KIAA1328: variants seen among roughly 807,000 people sequenced by gnomAD.
KIAA1328 encodes protein hinderin.
In KIAA1328, 52 loss-of-function variants were observed where a neutral mutation model predicts 68.1. The observed-to-expected ratio is 0.76, with a 90% CI of 0.61 to 0.96. KIAA1328 has a LOEUF of 0.96. KIAA1328 is among the 40% of genes least tolerant of loss of function. The pLI is 0.00. For missense variants in KIAA1328, 641 were observed against 677.6 expected, an observed-to-expected ratio of 0.95 and a Z score of 0.60; for synonymous variants, 232 against 239.4, an observed-to-expected ratio of 0.97 and a Z score of 0.28.
intron 4 of KIAA1328, among the ~76,000 whole-genome samples, chr18:36,866,363 A>G (rs2047752146): frequency 6.6e-6 from 1 of 152,052 alleles, no homozygotes. Context: ...CCACCCCAGG[A>G]AACTCTTCTG....
chr18:36,936,611 T>A (rs149021171), intron 5 of KIAA1328, among the ~76,000 whole-genome samples: 20,709 of 152,254 alleles, frequency 0.14, 1,757 homozygotes, highest in Admixed American at 0.18. Context: ...ATGATTTATA[T>A]TCCTTTGGAT....
chr18:36,837,442 T>C (rs2046715667), intron 3 of KIAA1328, among the ~76,000 whole-genome samples: 1 of 152,190 alleles, frequency 6.6e-6, no homozygotes, highest in Admixed American at 6.5e-5. Flanking sequence ...TTATTTGTCT[T>C]AGTACTGTTA....
intron 5 of KIAA1328, among the ~76,000 whole-genome samples, chr18:36,908,424 C>G: frequency 6.6e-6 from 1 of 152,146 alleles, no homozygotes; most frequent in East Asian, 1.9e-4. Flanking sequence ...CACTGCAACT[C>G]TAGCTCACTC....
intron 6 of KIAA1328, among the ~76,000 whole-genome samples, chr18:37,064,533 A>T (rs1371690636): frequency 7.7e-6 from 1 of 129,698 alleles, no homozygotes; most frequent in Non-Finnish European, 1.7e-5. Context: ...GTAGACTGAA[A>T]GTACCCCCCC....
At chr18:37,079,884 C>CAAA (rs200381832) in intron 7 of KIAA1328, among the ~76,000 whole-genome samples, 5 of 95,248 alleles carry the variant, frequency 5.2e-5, no homozygotes, top group Admixed American at 1.1e-4. Context: ...AAGGCTGTCT[C>CAAA]AAAAAAAAAA....
chr18:37,179,659 CTCTACCAATCCCAG>C (rs2059661353), intron 9 of KIAA1328, among the ~76,000 whole-genome samples: 2 of 152,150 alleles, frequency 1.3e-5, no homozygotes, highest in African/African-American at 4.8e-5. Flanking sequence ...TGGGACCATA[CTCTACCAATCCCAG>C]TCTGGAAGGA....
chr18:37,075,801 C>T (rs1426803465), intron 7 of KIAA1328, among the ~76,000 whole-genome samples: 4 of 152,180 alleles, frequency 2.6e-5, no homozygotes, highest in African/African-American at 9.7e-5. Flanking sequence ...AATATATATG[C>T]ACCCAATACA....
At chr18:36,992,045 A>G (rs1352516985) in intron 6 of KIAA1328, among the ~76,000 whole-genome samples, 2 of 152,174 alleles carry the variant, frequency 1.3e-5, no homozygotes, top group African/African-American at 2.4e-5. Flanking sequence ...TTTCATAGGT[A>G]TGTTGTCATT....
intron 7 of KIAA1328, among the ~76,000 whole-genome samples, chr18:37,078,953 C>T (rs2056850451): frequency 6.6e-6 from 1 of 151,872 alleles, no homozygotes; most frequent in Non-Finnish European, 1.5e-5. Context: ...CTAGAAATAC[C>T]ATTTGACCCA....
At chr18:36,891,293 A>T (rs2048677268) in intron 5 of KIAA1328, among the ~76,000 whole-genome samples, 1 of 152,218 alleles carries the variant, frequency 6.6e-6, no homozygotes, top group Non-Finnish European at 1.5e-5. Flanking sequence ...ATATAATTTT[A>T]AAAATTGTTT....
chr18:37,097,925 T>G (rs534467982), intron 7 of KIAA1328, among the ~76,000 whole-genome samples: 5 of 152,320 alleles, frequency 3.3e-5, no homozygotes, highest in African/African-American at 9.6e-5. Context: ...ATTGATTTTG[T>G]ATCCTGAGAC....
intron 6 of KIAA1328, among the ~76,000 whole-genome samples, chr18:37,006,363 A>G (rs577866373): frequency 6.6e-6 from 1 of 152,266 alleles, no homozygotes; most frequent in Admixed American, 6.5e-5. Flanking sequence ...TTTTACACAT[A>G]AAACAATAAA....
In KIAA1328 at chr18:36,939,070, T is replaced by G. The variant is rs189642671; in HGVS notation, c.449-20238T>G. Among the ~76,000 whole-genome samples, 9 of 152,218 alleles carry G rather than the reference T, an allele frequency of 5.9e-5. No homozygotes were observed. In the East Asian group the frequency reaches 1.7e-3, roughly 29 times the overall value. The stretch of plus-strand genomic sequence containing the variant: ...GTTGCTCAAAACTTACTGTGGTTAT[T>G]TGGGGTCTTTTGTAGTACAGATTTG... On this transcript the variant is annotated intron_variant, in intron 5 of 9. Coordinates refer to ENST00000280020, the MANE Select transcript of KIAA1328 (RefSeq NM_020776.3).
intron 5 of KIAA1328, among the ~76,000 whole-genome samples, chr18:36,950,375 G>C (rs1352360749): frequency 3.3e-5 from 5 of 152,084 alleles, no homozygotes; most frequent in African/African-American, 1.2e-4. Context: ...TTCAATAGGA[G>C]CTCCTTTACT....
intron 7 of KIAA1328, among the ~76,000 whole-genome samples, chr18:37,129,461 C>CT (rs1196098207): frequency 6.6e-6 from 1 of 151,998 alleles, no homozygotes; most frequent in Non-Finnish European, 1.5e-5. Context: ...TTTCATTTTG[C>CT]TTTTTTAATT....
At chr18:36,965,569 C>G in intron 6 of KIAA1328, among the ~76,000 whole-genome samples, 2 of 145,256 alleles carry the variant, frequency 1.4e-5, no homozygotes, top group South Asian at 2.4e-4. Flanking sequence ...CGGGGTTTCA[C>G]CATGTTGGTC....
At chr18:36,856,547 A>G (rs566125907) in intron 4 of KIAA1328, among the ~76,000 whole-genome samples, 8 of 149,088 alleles carry the variant, frequency 5.4e-5, no homozygotes, top group African/African-American at 1.0e-4. Context: ...CTCTTTATTG[A>G]TATTCTCTAT....
At chr18:36,930,490 G>T (rs1254621363) in intron 5 of KIAA1328, among the ~76,000 whole-genome samples, 2 of 152,114 alleles carry the variant, frequency 1.3e-5, no homozygotes, top group Non-Finnish European at 2.9e-5. Flanking sequence ...TTTTATAGGT[G>T]AGTTAAATAG....
At chr18:37,074,726 C>A (rs1454772133) in intron 7 of KIAA1328, 1 of 160,052 alleles carries the variant, frequency 6.2e-6, no homozygotes, top group East Asian at 1.8e-4. Context: ...AACTTCTTTG[C>A]CTTTGGTTTG....
Sources: allele counts gnomAD v4.1 joint callset (sites outside exome capture counted in the v4.1 genomes callset), GRCh38; gene constraint gnomAD v4.1.1; transcripts MANE v1.5; gene names NCBI Gene and HGNC (gene_info 2026-07-23, HGNC 2026-07-21).